VEZT: variants seen among roughly 807,000 people sequenced by gnomAD.
The protein encoded by VEZT is vezatin.
In VEZT, 39 loss-of-function variants were observed where a neutral mutation model predicts 79.9. The observed-to-expected ratio is 0.49, with a 90% CI of 0.38 to 0.64. VEZT has a LOEUF of 0.64. VEZT is among the 30% of genes least tolerant of loss of function. VEZT has a pLI of 0.00. For synonymous variants in VEZT, 325 were observed against 327.6 expected (o/e 0.99, Z 0.09); for missense variants, 837 against 893.1 (o/e 0.94, Z 0.80).
chr12:95,245,008 G>A (rs1210207961), intron 1 of VEZT, among the ~76,000 whole-genome samples: 1 of 152,022 alleles, frequency 6.6e-6, no homozygotes, highest in African/African-American at 2.4e-5. Flanking sequence ...TGAGATGGGC[G>A]GATCATTTGA....
At chr12:95,291,956 G>T (rs1056120789) in intron 9 of VEZT, among the ~76,000 whole-genome samples, 3 of 152,042 alleles carry the variant, frequency 2.0e-5, no homozygotes, top group African/African-American at 7.2e-5. Context: ...GCACCACCAT[G>T]CCCAGCTAGT....
intron 1 of VEZT, among the ~76,000 whole-genome samples, chr12:95,235,710 G>T (rs956153558): frequency 2.0e-5 from 3 of 150,756 alleles, no homozygotes; most frequent in African/African-American, 4.9e-5. Flanking sequence ...CTGGCCGGGC[G>T]GGGGGCTGAC....
At chr12:95,269,270 T>C (rs1289007422) in intron 5 of VEZT, among the ~76,000 whole-genome samples, 1 of 152,248 alleles carries the variant, frequency 6.6e-6, no homozygotes, top group African/African-American at 2.4e-5. Context: ...TATGTCATTG[T>C]TACAAATTAG....
chr12:95,296,002 G>C (rs1022825867), intron 10 of VEZT, 49 bp from the exon 11 acceptor site: 1 of 1,333,442 alleles, frequency 7.5e-7, no homozygotes, highest in African/African-American at 1.5e-5. Context: ...ATGCTTACTA[G>C]AGAATTGTTT....
intron 8 of VEZT, among the ~76,000 whole-genome samples, chr12:95,287,230 C>T (rs2071179695): frequency 6.6e-6 from 1 of 152,090 alleles, no homozygotes; most frequent in Admixed American, 6.6e-5. Flanking sequence ...ATAAAATGTA[C>T]AGTTCAGTGG....
chr12:95,224,967 A>C (rs2058204671), intron 1 of VEZT, among the ~76,000 whole-genome samples: 1 of 152,174 alleles, frequency 6.6e-6, no homozygotes, highest in South Asian at 2.1e-4. Context: ...CTCCTATGAG[A>C]ATCTAATGCT....
intron 6 of VEZT, among the ~76,000 whole-genome samples, chr12:95,271,399 A>G (rs1319023869): frequency 6.6e-6 from 1 of 152,192 alleles, no homozygotes; most frequent in Admixed American, 6.5e-5. Flanking sequence ...ATCAGTATTC[A>G]TAATATTATA....
At chr12:95,286,441 A>C (rs937502080) in intron 8 of VEZT, 1 of 544,326 alleles carries the variant, frequency 1.8e-6, no homozygotes, top group Non-Finnish European at 3.7e-6. Flanking sequence ...CATGAGCAAC[A>C]TCAATTCTTC....
chr12:95,278,380 T>A (rs1403994312), intron 7 of VEZT, among the ~76,000 whole-genome samples: 2 of 152,178 alleles, frequency 1.3e-5, no homozygotes, highest in African/African-American at 4.8e-5. Flanking sequence ...TTTTTACATA[T>A]AACTAACCTG....
chr12:95,288,597 C>T (rs548911446), intron 9 of VEZT, among the ~76,000 whole-genome samples: 7 of 152,078 alleles, frequency 4.6e-5, no homozygotes, highest in Non-Finnish European at 1.0e-4. Flanking sequence ...AATGCTTTAC[C>T]ATCCTGTTAT....
At chr12:95,277,060 C>T (rs1398959222) in intron 7 of VEZT, among the ~76,000 whole-genome samples, 3 of 152,104 alleles carry the variant, frequency 2.0e-5, no homozygotes, top group African/African-American at 7.2e-5. Flanking sequence ...CTAGTCCCAG[C>T]CACCATCATT....
At chr12:95,259,141 T>C (rs1193656384) in intron 3 of VEZT, among the ~76,000 whole-genome samples, 4 of 151,828 alleles carry the variant, frequency 2.6e-5, no homozygotes, top group Non-Finnish European at 5.9e-5. Context: ...ATTCCGTACT[T>C]ATTCTGTATG....
At chr12:95,243,441 A>G (rs1023267573) in intron 1 of VEZT, among the ~76,000 whole-genome samples, 1 of 151,486 alleles carries the variant, frequency 6.6e-6, no homozygotes, top group Non-Finnish European at 1.5e-5. Context: ...CATTTTACCA[A>G]ACTGTCTCAT....
rs10611290 is a variant in VEZT, at chr12:95,280,524, TACACACACACACACAC to T, written c.997-1774_997-1759del. ...CACTATTCCCCCCCTTTCATATGTGTACACACACACACACACACACACACACACACTATTCCTCTTC... is the reference window on the plus strand; with the variant it reads ...CACTATTCCCCCCCTTTCATATGTGTACACACACACACACTATTCCTCTTC... On this transcript the variant is annotated intron_variant, in intron 7 of 11. Coordinates refer to ENST00000436874, the MANE Select transcript of VEZT (RefSeq NM_017599.4). Among the ~76,000 whole-genome samples, 124 of 137,734 alleles carry T rather than the reference TACACACACACACACAC, an allele frequency of 9.0e-4. 1 individual carries two copies. The highest frequency in any genetic ancestry group is 3.2e-3 in the African/African-American group (118 of 37,138). The allele number at this position is 137,734 out of a possible 152,430, so 90.4% of individuals were successfully genotyped here. A position where few individuals can be genotyped will look rare whatever the true frequency, so the allele number is the denominator to read the frequency against.
At chr12:95,293,387 G>A (rs1174023648) in intron 9 of VEZT, among the ~76,000 whole-genome samples, 1 of 150,636 alleles carries the variant, frequency 6.6e-6, no homozygotes, top group Non-Finnish European at 1.5e-5. Context: ...AAATCAACAA[G>A]TTTAAACCAT....
intron 6 of VEZT, among the ~76,000 whole-genome samples, chr12:95,270,807 G>A (rs1453865500): frequency 6.6e-6 from 1 of 152,118 alleles, no homozygotes; most frequent in Non-Finnish European, 1.5e-5. Context: ...ATGACAATAA[G>A]TCTGTCACTT....
In VEZT at chr12:95,270,057, T is replaced by C. The variant is rs1412918692; in HGVS notation, c.717T>C (p.Ser239=). 6.2e-7 allele frequency: 1 copy of C among 1,610,868 alleles called. No homozygotes were observed. The highest frequency in any genetic ancestry group is 8.5e-7 in the Non-Finnish European group (1 of 1,178,496). The change falls in exon 6 of 12, where the codon AGT becomes AGC. Residue 239 remains serine, a synonymous_variant. Coordinates refer to ENST00000436874, the MANE Select transcript of VEZT (RefSeq NM_017599.4). ...EVISRGFTLV[S]AACPFNKAGQ... Reference sequence around the variant, plus strand: ...TTTCAAGTTTGCTTGACAGGGTCAGTGCTGCTTGCCCATTTAATAAAGCTG... The same window carrying C: ...TTTCAAGTTTGCTTGACAGGGTCAGCGCTGCTTGCCCATTTAATAAAGCTG...
chr12:95,243,659 A>G (rs1260120935), intron 1 of VEZT, among the ~76,000 whole-genome samples: 2 of 152,230 alleles, frequency 1.3e-5, no homozygotes, highest in Admixed American at 6.5e-5. Context: ...GCCAAAACTC[A>G]TGTTGAAATT....
chr12:95,282,416 C>A lies in VEZT; in HGVS notation c.1100C>A (p.Ala367Glu), dbSNP rs781198086. 1 of 1,613,986 alleles carries A rather than the reference C, an allele frequency of 6.2e-7. No individual in the cohort carries two copies. Among genetic ancestry groups the A allele is most frequent in the Non-Finnish European group, 8.5e-7 (1 of 1,179,894 alleles). Reference protein sequence around the residue: ...NSPPGPLLTPALLPHRILSDV... With the variant: ...NSPPGPLLTPELLPHRILSDV... The stretch of plus-strand genomic sequence containing the variant: ...CCTCCTGGGCCCTTACTTACTCCAG[C>A]ACTTCTGCCTCATCGTATCTTATCT... Residue 367 changes from alanine to glutamate, a missense_variant, in exon 8 of 12, where the codon GCA becomes GAA. Ala to Glu is a moderately radical substitution (Grantham distance 107). Coordinates refer to ENST00000436874, the MANE Select transcript of VEZT (RefSeq NM_017599.4).
Sources: gnomAD v4.1 joint callset for allele counts (sites outside exome capture counted in the v4.1 genomes callset) on GRCh38, gnomAD v4.1.1 for gene constraint, MANE v1.5 for transcripts, NCBI Gene and HGNC (gene_info 2026-07-23, HGNC 2026-07-21) for gene names.